FLT1: variants seen among roughly 807,000 people sequenced by gnomAD.
The protein encoded by FLT1 is vascular endothelial growth factor receptor 1.
In FLT1, 49 loss-of-function variants were observed where a neutral mutation model predicts 156.3. That is an observed-to-expected ratio of 0.31 (90% CI 0.25 to 0.40). The LOEUF (loss-of-function observed/expected upper bound fraction) is 0.40. Among genes scored for constraint, FLT1 ranks in the 10% least tolerant of loss-of-function variants. FLT1 has a pLI of 1.00. For missense variants in FLT1, 1,322 were observed against 1,637.2 expected (o/e 0.81, Z 3.32); for synonymous variants, 594 against 583.8 (o/e 1.02, Z -0.25).
chr13:28,363,499 A>G (rs1051543356), intron 14 of FLT1, among the ~76,000 whole-genome samples: 1 of 152,190 alleles, frequency 6.6e-6, no homozygotes, highest in South Asian at 2.1e-4. Flanking sequence ...ACATAGGTAT[A>G]TATCTGTACA....
intron 11 of FLT1, among the ~76,000 whole-genome samples, chr13:28,400,124 T>C (rs1244141421): frequency 6.6e-6 from 1 of 152,236 alleles, no homozygotes; most frequent in Non-Finnish European, 1.5e-5. Context: ...TTGAGACTCT[T>C]TAAGTTGAAT....
chr13:28,380,995 A>G (rs1185666556), intron 14 of FLT1, among the ~76,000 whole-genome samples: 1 of 152,162 alleles, frequency 6.6e-6, no homozygotes. Context: ...GGGCCATGCT[A>G]GGACTCAAGC....
At chr13:28,307,971 A>C (rs915993596) in intron 28 of FLT1, among the ~76,000 whole-genome samples, 2 of 152,046 alleles carry the variant, frequency 1.3e-5, no homozygotes, top group African/African-American at 4.8e-5. Context: ...ACTGGGTTTC[A>C]CCATGTTAGC....
intron 1 of FLT1, among the ~76,000 whole-genome samples, chr13:28,474,901 T>C (rs1208230271): frequency 6.6e-6 from 1 of 152,228 alleles, no homozygotes; most frequent in Non-Finnish European, 1.5e-5. Flanking sequence ...ACCCAGCAAC[T>C]GATGACTAAA....
intron 12 of FLT1, 140 bp from the exon 13 acceptor site, chr13:28,390,244 G>A (rs1048941325): frequency 9.1e-7 from 1 of 1,093,856 alleles, no homozygotes; most frequent in Non-Finnish European, 1.3e-6. Flanking sequence ...GGGTAAATGA[G>A]CAAACACAGC....
chr13:28,460,684 A>G (rs74043723), intron 3 of FLT1, among the ~76,000 whole-genome samples: 2,137 of 115,510 alleles, frequency 0.019, 61 homozygotes, highest in African/African-American at 0.065. Context: ...AAAAAATCAC[A>G]GTGCTTACAA....
At position 28,401,741 on chromosome 13, in the gene FLT1, T is replaced by A. The variant is rs571923710; in HGVS notation, c.1551+4039A>T. Reference sequence around the variant, plus strand: ...AACAGAACGTGAGATTTAGAAAAAATTGGGGTGTGTGTGGGAACTGAAACA... The same window carrying A: ...AACAGAACGTGAGATTTAGAAAAAAATGGGGTGTGTGTGGGAACTGAAACA... On this transcript the variant is annotated intron_variant, in intron 11 of 29. Transcript: ENST00000282397. Among the ~76,000 whole-genome samples, 10 of 152,118 alleles carry A rather than the reference T, an allele frequency of 6.6e-5. No individual in the cohort carries two copies. In the South Asian group the frequency reaches 1.9e-3, roughly 28 times the overall value.
At chr13:28,311,892 G>A in intron 26 of FLT1, 101 bp downstream of exon 26, 1 of 1,069,478 alleles carries the variant, frequency 9.4e-7, no homozygotes, top group Non-Finnish European at 1.4e-6. Context: ...TTAAACTTCT[G>A]ATCTCAGCTA....
intron 20 of FLT1, among the ~76,000 whole-genome samples, chr13:28,326,461 T>C (rs1207067197): frequency 6.6e-6 from 1 of 151,982 alleles, no homozygotes; most frequent in East Asian, 1.9e-4. Context: ...TGGTGCCATA[T>C]GTCACACTGG....
intron 18 of FLT1, among the ~76,000 whole-genome samples, chr13:28,330,040 G>C (rs1871862471): frequency 6.6e-6 from 1 of 152,224 alleles, no homozygotes; most frequent in South Asian, 2.1e-4. Flanking sequence ...CCTTCCAAAG[G>C]CTTCCCTTCT....
chr13:28,316,785 G>T (rs866904114), intron 25 of FLT1, among the ~76,000 whole-genome samples: 1 of 151,854 alleles, frequency 6.6e-6, no homozygotes, highest in East Asian at 1.9e-4. Flanking sequence ...ACCAGGCCCG[G>T]CTAACTTTTG....
At chr13:28,334,262 G>C in intron 17 of FLT1, 133 bp from the exon 18 acceptor site, 1 of 758,944 alleles carries the variant, frequency 1.3e-6, no homozygotes, top group Non-Finnish European at 2.4e-6. Flanking sequence ...CCCTAAAAGA[G>C]ACAAAGTAAG....
chr13:28,350,781 C>T (rs1218614156), intron 15 of FLT1, among the ~76,000 whole-genome samples: 1 of 152,184 alleles, frequency 6.6e-6, no homozygotes, highest in Non-Finnish European at 1.5e-5. Context: ...TTTCCTCATC[C>T]TTACAAAGTG....
chr13:28,464,806 G>A (rs1430648054), intron 3 of FLT1, among the ~76,000 whole-genome samples: 1 of 152,194 alleles, frequency 6.6e-6, no homozygotes, highest in Non-Finnish European at 1.5e-5. Context: ...TAGTTTAGGA[G>A]TTAAAGGTGA....
chr13:28,397,676 T>A (rs1388916656), intron 11 of FLT1, among the ~76,000 whole-genome samples: 4 of 151,998 alleles, frequency 2.6e-5, no homozygotes, highest in Non-Finnish European at 5.9e-5. Flanking sequence ...CACATGCCAC[T>A]GTACCTGGCT....
Position 28,412,385 on chromosome 13 carries a change from T to TTTCTTTCTTTCTTTCTTTCTTTCTTTCC in FLT1, c.1437-6492_1437-6491insGGAAAGAAAGAAAGAAAGAAAGAAAGAA, listed in dbSNP as rs1876330612. Among the ~76,000 whole-genome samples the TTTCTTTCTTTCTTTCTTTCTTTCTTTCC allele has an allele frequency of 2.4e-3, 200 of 84,942 alleles. 26 individuals are homozygous for TTTCTTTCTTTCTTTCTTTCTTTCTTTCC. Among genetic ancestry groups the TTTCTTTCTTTCTTTCTTTCTTTCTTTCC allele is most frequent in the East Asian group, 0.012 (33 of 2,780 alleles). 55.7% of individuals were successfully genotyped at this position (84,942 alleles called of 152,430 possible). On this transcript the variant is annotated intron_variant, in intron 10 of 29. Coordinates refer to ENST00000282397, the MANE Select transcript of FLT1 (RefSeq NM_002019.4). ...CTTTCTTTCTTTCTTTCTTTCTTTC[T>TTTCTTTCTTTCTTTCTTTCTTTCTTTCC]TTCTTTCTTTCTTTCTTTCTTTCTT... is the stretch of plus-strand genomic sequence containing the variant.
chr13:28,329,659 T>G lies in FLT1; in HGVS notation c.2663A>C (p.His888Pro). The change falls in exon 19 of 30, where the codon CAT becomes CCT. Residue 888 changes from histidine to proline, a missense_variant. Transcript: ENST00000282397. ...ELKILTHIGHHLNVVNLLGAC... is the reference protein window; with the variant it reads ...ELKILTHIGHPLNVVNLLGAC... ...TCCCAGCAGGTTAACCACGTTCAGA[T>G]GGTGGCCAATGTGGGTCAAGATTTT... 1 of 1,614,198 alleles carries G rather than the reference T, an allele frequency of 6.2e-7. No individual in the cohort carries two copies.
rs774684002 is a variant in FLT1, at chr13:28,380,861, G to A, written c.2116+4024C>T. ...AAGCCAAGACTATGGGCCAGCTTAC[G>A]TTAACTCATTTAAACCTTACCATAT... On this transcript the variant is annotated intron_variant, in intron 14 of 29. Transcript: ENST00000282397. Among the ~76,000 whole-genome samples, 205 of 152,078 alleles carry A rather than the reference G, an allele frequency of 1.3e-3. 2 individuals are homozygous for A. Among genetic ancestry groups the A allele is most frequent in the Non-Finnish European group, 1.6e-3 (108 of 68,032 alleles).
chr13:28,479,600 G>T (rs114483815), intron 1 of FLT1, among the ~76,000 whole-genome samples: 173 of 152,294 alleles, frequency 1.1e-3, no homozygotes, highest in African/African-American at 3.9e-3. Flanking sequence ...TCCATTAAAA[G>T]TAGTACATTT....
Sources: allele counts gnomAD v4.1 joint callset (sites outside exome capture counted in the v4.1 genomes callset), GRCh38; gene constraint gnomAD v4.1.1; transcripts MANE v1.5; gene names NCBI Gene and HGNC (gene_info 2026-07-23, HGNC 2026-07-21).